Variants in PPM1E observed in about 807,000 individuals in gnomAD.
PPM1E encodes protein phosphatase 1E.
Under a neutral mutation model 65.9 loss-of-function variants are expected in PPM1E, and 20 were observed. That is an observed-to-expected ratio of 0.30 (90% CI 0.21 to 0.44). The LOEUF (loss-of-function observed/expected upper bound fraction) is 0.44. PPM1E is among the 20% of genes least tolerant of loss of function. PPM1E has a pLI of 1.00. For synonymous variants in PPM1E, 352 were observed against 374.9 expected (o/e 0.94, Z 0.70); for missense variants, 713 against 953.1 (o/e 0.75, Z 3.32).
chr17:58,910,963 AC>A lies in PPM1E; in HGVS notation c.465-44685del, dbSNP rs1313373810. On this transcript the variant is annotated intron_variant, in intron 1 of 6. Transcript: ENST00000308249. ...ATGAGGGGATTTTTTTCTGATACTCACTGTGATGACCTGGTAGAGCTCCTGG... is the reference window on the plus strand; with the variant it reads ...ATGAGGGGATTTTTTTCTGATACTCATGTGATGACCTGGTAGAGCTCCTGG... 2.0e-5 allele frequency among the ~76,000 whole-genome samples: 3 copies of A among 152,052 alleles called. No homozygotes were observed. In the South Asian group the frequency reaches 6.2e-4, roughly 32 times the overall value.
intron 1 of PPM1E, among the ~76,000 whole-genome samples, chr17:58,761,783 A>T (rs917658708): frequency 6.6e-6 from 1 of 152,144 alleles, no homozygotes. Context: ...TTCCTCTTGT[A>T]AGTACTTGGT....
intron 1 of PPM1E, among the ~76,000 whole-genome samples, chr17:58,909,210 G>A (rs186024229): frequency 2.6e-4 from 40 of 151,418 alleles, no homozygotes; most frequent in Non-Finnish European, 4.9e-4. Context: ...TTTTTTGTTT[G>A]TCTGAGAAAG....
chr17:58,805,985 CAAAACAA>C (rs1899653630), intron 1 of PPM1E, among the ~76,000 whole-genome samples: 4 of 77,476 alleles, frequency 5.2e-5, no homozygotes, highest in Non-Finnish European at 7.1e-5. Flanking sequence ...AAAAAAAAAA[CAAAACAA>C]AACAAAACAA....
intron 1 of PPM1E, among the ~76,000 whole-genome samples, chr17:58,877,052 G>T (rs936201708): frequency 2.6e-5 from 4 of 152,284 alleles, no homozygotes; most frequent in Admixed American, 2.6e-4. Context: ...CAAAGTGCTG[G>T]GATTACAGGC....
chr17:58,816,794 A>ATTTTT (rs71367634), intron 1 of PPM1E, among the ~76,000 whole-genome samples: 6 of 16,642 alleles, frequency 3.6e-4, no homozygotes, highest in Non-Finnish European at 4.6e-4. Flanking sequence ...ATATATATAT[A>ATTTTT]TTTTTTTTTT....
intron 1 of PPM1E, among the ~76,000 whole-genome samples, chr17:58,833,457 C>T (rs1233779495): frequency 1.3e-5 from 2 of 151,646 alleles, no homozygotes; most frequent in African/African-American, 4.9e-5. Context: ...TTAGCTCCCA[C>T]TTATAAGTGA....
At chr17:58,967,092 T>C (rs892619389) in intron 3 of PPM1E, among the ~76,000 whole-genome samples, 7 of 152,322 alleles carry the variant, frequency 4.6e-5, no homozygotes, top group East Asian at 1.9e-4. Context: ...ATTTCAAAAT[T>C]AGCCCAAAGG....
At chr17:58,828,003 G>A (rs2050559934) in intron 1 of PPM1E, among the ~76,000 whole-genome samples, 1 of 151,258 alleles carries the variant, frequency 6.6e-6, no homozygotes, top group Admixed American at 6.6e-5. Flanking sequence ...CAGATCACCC[G>A]AGGTCAGGAG....
At chr17:58,881,660 C>CA (rs1190473179) in intron 1 of PPM1E, among the ~76,000 whole-genome samples, 5 of 151,076 alleles carry the variant, frequency 3.3e-5, no homozygotes, top group African/African-American at 9.7e-5. Context: ...GATTCCATCT[C>CA]AAAAAAACAA....
At chr17:58,783,470 G>A (rs1278784573) in intron 1 of PPM1E, among the ~76,000 whole-genome samples, 2 of 152,164 alleles carry the variant, frequency 1.3e-5, no homozygotes, top group Admixed American at 6.5e-5. Flanking sequence ...AATAAAGGAG[G>A]TTGGTTAGGC....
chr17:58,805,016 C>T (rs2050291979), intron 1 of PPM1E, among the ~76,000 whole-genome samples: 2 of 152,100 alleles, frequency 1.3e-5, no homozygotes, highest in Admixed American at 1.3e-4. Flanking sequence ...TCATCTCTAC[C>T]TTCCTCCCAC....
intron 1 of PPM1E, among the ~76,000 whole-genome samples, chr17:58,823,037 G>C (rs560791565): frequency 4.0e-4 from 61 of 152,152 alleles, no homozygotes; most frequent in African/African-American, 1.3e-3. Context: ...TTGACCTGGG[G>C]CAAGCCCTTC....
At chr17:58,776,534 T>C (rs2049996276) in intron 1 of PPM1E, among the ~76,000 whole-genome samples, 1 of 152,208 alleles carries the variant, frequency 6.6e-6, no homozygotes, top group East Asian at 1.9e-4. Flanking sequence ...AAATGCATTT[T>C]TAAATTAATG....
At chr17:58,884,389 C>G (rs534975385) in intron 1 of PPM1E, among the ~76,000 whole-genome samples, 1 of 152,266 alleles carries the variant, frequency 6.6e-6, no homozygotes, top group African/African-American at 2.4e-5. Flanking sequence ...CAGTTTAGGA[C>G]TTGGCTCTCT....
At chr17:58,870,166 A>G (rs909522875) in intron 1 of PPM1E, among the ~76,000 whole-genome samples, 1 of 152,220 alleles carries the variant, frequency 6.6e-6, no homozygotes, top group African/African-American at 2.4e-5. Flanking sequence ...GGAAGTTCTG[A>G]CAATGAGGGA....
chr17:58,829,079 G>A (rs2050572199), intron 1 of PPM1E, among the ~76,000 whole-genome samples: 1 of 151,628 alleles, frequency 6.6e-6, no homozygotes, highest in East Asian at 1.9e-4. Flanking sequence ...TTTCACTCTA[G>A]TTGCCCCGGC....
At chr17:58,915,645 G>T (rs774001280) in intron 1 of PPM1E, among the ~76,000 whole-genome samples, 20 of 152,286 alleles carry the variant, frequency 1.3e-4, no homozygotes, top group Non-Finnish European at 2.1e-4. Context: ...TTGTTAGTTT[G>T]TAAAAGCCCT....
At chr17:58,840,663 A>T (rs1009900489) in intron 1 of PPM1E, among the ~76,000 whole-genome samples, 2 of 152,222 alleles carry the variant, frequency 1.3e-5, no homozygotes, top group Non-Finnish European at 2.9e-5. Context: ...TGTGAGAGGT[A>T]TGTAAAAGAA....
rs936902904 is a variant in PPM1E at position 58,984,786 on chromosome 17, A to G, written c.*3755A>G. On this transcript the variant is annotated 3_prime_UTR_variant, in exon 7 of 7. Coordinates refer to ENST00000308249, the MANE Select transcript of PPM1E (RefSeq NM_014906.5). ...AAGCAGCATTTTATCTTCTATTTTGAAGACTATTTATTGTAATAATTAGAA... is the reference window on the plus strand; with the variant it reads ...AAGCAGCATTTTATCTTCTATTTTGGAGACTATTTATTGTAATAATTAGAA... 1 of 152,474 alleles carries G rather than the reference A, an allele frequency of 6.6e-6. No individual in the cohort carries two copies. The highest frequency in any genetic ancestry group is 2.4e-5 in the African/African-American group (1 of 41,472). 9.4% of individuals were successfully genotyped at this position (152,474 alleles called of 1,614,324 possible).
Sources: gnomAD v4.1 joint callset for allele counts (sites outside exome capture counted in the v4.1 genomes callset) on GRCh38, gnomAD v4.1.1 for gene constraint, MANE v1.5 for transcripts, NCBI Gene and HGNC (gene_info 2026-07-23, HGNC 2026-07-21) for gene names.